The following SOS2 variants were observed in gnomAD, a reference collection of about 807,000 sequenced individuals.
SOS2 encodes the protein SOS Ras/Rho guanine nucleotide exchange factor 2, also known as son of sevenless homolog 2.
SOS2 carries 65 observed loss-of-function variants against 148.2 expected under a neutral mutation model. The ratio of observed to expected loss-of-function variants is 0.44; its 90% confidence interval spans 0.36 to 0.54. The LOEUF is 0.54. SOS2 is among the 20% of genes least tolerant of loss of function. The pLI is 0.00. For missense variants in SOS2, 1,341 were observed against 1,590.2 expected, an observed-to-expected ratio of 0.84 and a Z score of 2.67; for synonymous variants, 539 against 537.1, an observed-to-expected ratio of 1.00 and a Z score of -0.05.
At chr14:50,199,909 A>T in intron 3 of SOS2, 54 bp from the exon 4 acceptor site, 1 of 1,150,656 alleles carries the variant, frequency 8.7e-7, no homozygotes, top group Non-Finnish European at 1.2e-6. Flanking sequence ...CAAGTATTAC[A>T]CACTTAAAAA....
Position 50,227,243 on chromosome 14 carries a change from C to CTTTTTTTTTTTT in SOS2, c.87+3953_87+3954insAAAAAAAAAAAA, listed in dbSNP as rs374477701. Among the ~76,000 whole-genome samples, 38 of 112,646 alleles carry CTTTTTTTTTTTT rather than the reference C, an allele frequency of 3.4e-4. 1 individual carries two copies. Among genetic ancestry groups the CTTTTTTTTTTTT allele is most frequent in the East Asian group, 5.3e-4 (2 of 3,742 alleles). The allele number at this position is 112,646 out of a possible 152,430, so 73.9% of individuals were successfully genotyped here. A position where few individuals can be genotyped will look rare whatever the true frequency, so the allele number is the denominator to read the frequency against. ...TCTCTGTGTTTCTTTTTCTTTCTTT[C>CTTTTTTTTTTTT]TTTCTTTTTTTTTTTTTTTGAGACA... On this transcript the variant is annotated intron_variant, in intron 1 of 22. Transcript: ENST00000216373.
chr14:50,175,921 C>A (rs1239157332), intron 7 of SOS2, among the ~76,000 whole-genome samples: 1 of 152,180 alleles, frequency 6.6e-6, no homozygotes, highest in African/African-American at 2.4e-5. Flanking sequence ...AAACTTCTTA[C>A]TAGGATACAC....
At chr14:50,133,226 A>G (rs559802740) in intron 19 of SOS2, among the ~76,000 whole-genome samples, 1 of 118,378 alleles carries the variant, frequency 8.4e-6, no homozygotes, top group Non-Finnish European at 1.8e-5. Flanking sequence ...TTTTCCATGA[A>G]CTTTTTTTCT....
chr14:50,210,422 T>C (rs557655111), intron 1 of SOS2, among the ~76,000 whole-genome samples: 2 of 152,238 alleles, frequency 1.3e-5, no homozygotes, highest in Admixed American at 6.5e-5. Context: ...TAAATAAATA[T>C]ACCCAATAAA....
intron 4 of SOS2, among the ~76,000 whole-genome samples, chr14:50,194,821 C>T (rs1350107508): frequency 3.3e-5 from 5 of 150,782 alleles, no homozygotes; most frequent in East Asian, 2.0e-4. Context: ...TATGGAGTCT[C>T]GCTCTGTCAC....
intron 8 of SOS2, among the ~76,000 whole-genome samples, chr14:50,164,101 T>C (rs936935772): frequency 6.6e-6 from 1 of 152,176 alleles, no homozygotes; most frequent in Non-Finnish European, 1.5e-5. Flanking sequence ...AATATCCAAC[T>C]AATATTCTAC....
chr14:50,140,446 C>A (rs945850135), intron 16 of SOS2, among the ~76,000 whole-genome samples: 2 of 152,114 alleles, frequency 1.3e-5, no homozygotes, highest in African/African-American at 4.8e-5. Flanking sequence ...GAGAAGACAA[C>A]TATCAGAAGA....
chr14:50,192,143 CAAAAAAAAAAAAAAAAA>C (rs201836422), intron 4 of SOS2, among the ~76,000 whole-genome samples: 2,590 of 118,962 alleles, frequency 0.022, 63 homozygotes, highest in Non-Finnish European at 0.027. Flanking sequence ...GTCCTTGTCA[CAAAAAAAAAAAAAAAAA>C]AAAAAAAAAA....
At chr14:50,184,672 T>C (rs1885850169) in intron 5 of SOS2, among the ~76,000 whole-genome samples, 1 of 151,960 alleles carries the variant, frequency 6.6e-6, no homozygotes, top group African/African-American at 2.4e-5. Flanking sequence ...GGAAAGAGCC[T>C]GGGAAACATG....
At chr14:50,159,223 T>C (rs1566831094) in intron 10 of SOS2, among the ~76,000 whole-genome samples, 1 of 152,188 alleles carries the variant, frequency 6.6e-6, no homozygotes, top group Admixed American at 6.5e-5. Context: ...GCATATTTTA[T>C]GAATATTTAT....
intron 1 of SOS2, among the ~76,000 whole-genome samples, chr14:50,225,020 T>C (rs1027125863): frequency 1.3e-5 from 2 of 152,246 alleles, no homozygotes; most frequent in African/African-American, 2.4e-5. Flanking sequence ...CTTGGTATTA[T>C]TTTCATCTTG....
At chr14:50,214,863 T>A (rs1394892841) in intron 1 of SOS2, among the ~76,000 whole-genome samples, 1 of 141,530 alleles carries the variant, frequency 7.1e-6, no homozygotes, top group African/African-American at 2.7e-5. Flanking sequence ...TGAGACGGAG[T>A]CTTGTTCTGT....
In SOS2 at chr14:50,128,208, G is replaced by C. The variant is rs80015383; in HGVS notation, c.3379+1753C>G. Among the ~76,000 whole-genome samples, 1,241 of 152,242 alleles carry C rather than the reference G, an allele frequency of 8.2e-3. 20 individuals are homozygous for C. Among genetic ancestry groups the C allele is most frequent in the African/African-American group, 0.029 (1,199 of 41,526 alleles). ...GGATGACAATGAAAGAAAGTTCTAG[G>C]ATGACAGCAGGGTCAATACCTGAAT... On this transcript the variant is annotated intron_variant, in intron 21 of 22. Coordinates refer to ENST00000216373, the MANE Select transcript of SOS2 (RefSeq NM_006939.4).
chr14:50,125,800 T>A (rs1883662038), intron 21 of SOS2, among the ~76,000 whole-genome samples: 1 of 152,172 alleles, frequency 6.6e-6, no homozygotes, highest in South Asian at 2.1e-4. Flanking sequence ...AATGACCTCA[T>A]TCCCACCTCT....
chr14:50,125,860 G>A (rs577192229), intron 21 of SOS2, among the ~76,000 whole-genome samples: 5 of 152,286 alleles, frequency 3.3e-5, no homozygotes, highest in African/African-American at 1.2e-4. Context: ...CCCAGACTTG[G>A]GATACTAGTC....
chr14:50,160,230 T>G (rs1348933805), intron 9 of SOS2, 144 bp from the exon 10 acceptor site: 5 of 627,246 alleles, frequency 8.0e-6, no homozygotes, highest in African/African-American at 1.8e-5. Context: ...ACTTTGCCAC[T>G]AAATAATACA....
rs541175400 is a variant in SOS2 at position 50,219,049 on chromosome 14, G to T, written c.87+12148C>A. Among the ~76,000 whole-genome samples the T allele has an allele frequency of 4.7e-4, 72 of 151,596 alleles. 2 individuals carry two copies. The highest frequency in any genetic ancestry group is 1.7e-3 in the African/African-American group (71 of 41,244). On this transcript the variant is annotated intron_variant, in intron 1 of 22. Coordinates refer to ENST00000216373, the MANE Select transcript of SOS2 (RefSeq NM_006939.4). ...AATCACTTGAACCCGGGAAGCGGAG[G>T]TTGCTGTGAGTCAGGATTACACCAC...
chr14:50,189,102 C>T (rs180991659), intron 4 of SOS2, among the ~76,000 whole-genome samples: 34 of 145,402 alleles, frequency 2.3e-4, no homozygotes, highest in African/African-American at 6.3e-4. Context: ...CACACACACA[C>T]GCACACACAA....
rs912154698 is a variant in SOS2 at position 50,159,681 on chromosome 14, G to C, written c.1602C>G (p.Asn534Lys). Residue 534 changes from asparagine (N) to lysine (K), a missense_variant, in exon 10 of 23, where the codon AAC becomes AAG. Physicochemically the swap from Asn to Lys is moderately conservative, Grantham distance 94. Transcript: ENST00000216373. ...GAAGAGAAATAAGGGCTGCCATCCA[G>C]TTGTTTTTTTCTTCAGCAGACTTAG... Reference protein sequence around the residue: ...FAAKSAEEKNNWMAALISLHY... With the variant: ...FAAKSAEEKNKWMAALISLHY... 1 of 1,613,998 alleles carries C rather than the reference G, an allele frequency of 6.2e-7. No homozygotes were observed. The highest frequency in any genetic ancestry group is 2.2e-5 in the East Asian group (1 of 44,874).
Sources: allele counts gnomAD v4.1 joint callset (sites outside exome capture counted in the v4.1 genomes callset), GRCh38; gene constraint gnomAD v4.1.1; transcripts MANE v1.5; gene names NCBI Gene and HGNC (gene_info 2026-07-23, HGNC 2026-07-21).